RNF146: variants seen among roughly 807,000 people sequenced by gnomAD.
RNF146 encodes E3 ubiquitin-protein ligase RNF146.
Under a neutral mutation model 29.7 loss-of-function variants are expected in RNF146, and 11 were observed. The observed-to-expected ratio is 0.37, with a 90% CI of 0.23 to 0.61. The LOEUF (loss-of-function observed/expected upper bound fraction) is 0.61, where lower values mean the gene tolerates loss of function less well. RNF146 is among the 20% of genes least tolerant of loss of function. The pLI is 0.66. For synonymous variants in RNF146, 150 were observed against 159.7 expected (o/e 0.94, Z 0.46); for missense variants, 342 against 438.9 (o/e 0.78, Z 1.97).
chr6:127,282,127 G>A (rs1778991593), intron 2 of RNF146, among the ~76,000 whole-genome samples: 1 of 151,786 alleles, frequency 6.6e-6, no homozygotes, highest in Non-Finnish European at 1.5e-5. Flanking sequence ...CCACACAAAA[G>A]TGAATTGTAT....
In RNF146 at chr6:127,280,304, T is replaced by C; in HGVS notation, c.-35T>C. On this transcript the variant is annotated 5_prime_UTR_variant, in exon 2 of 3. Coordinates refer to ENST00000368314, the MANE Select transcript of RNF146 (RefSeq NM_001242850.2). Reference sequence around the variant, plus strand: ...ACTGCTGGTGAAGAAAATGCTTTATTTTTGTGGCAGGCATCTGTGGGATCT... The same window carrying C: ...ACTGCTGGTGAAGAAAATGCTTTATCTTTGTGGCAGGCATCTGTGGGATCT... The C allele has an allele frequency of 1.3e-6, 2 of 1,546,932 alleles. No individual in the cohort carries two copies. Among genetic ancestry groups the C allele is most frequent in the South Asian group, 1.2e-5 (1 of 83,888 alleles).
chr6:127,270,645 A>G (rs1440396850), intron 1 of RNF146, among the ~76,000 whole-genome samples: 2 of 152,152 alleles, frequency 1.3e-5, no homozygotes, highest in African/African-American at 2.4e-5. Flanking sequence ...ATAGTTGACC[A>G]TTGAACAAAG....
At chr6:127,271,090 A>G (rs1029085048) in intron 1 of RNF146, among the ~76,000 whole-genome samples, 1 of 152,230 alleles carries the variant, frequency 6.6e-6, no homozygotes, top group African/African-American at 2.4e-5. Flanking sequence ...CTAAGATTAC[A>G]GGCGTGAGCC....
Position 127,280,381 on chromosome 6 carries a change from T to C in RNF146, c.2+41T>C, listed in dbSNP as rs531877879. 55 of 1,542,968 alleles carry C rather than the reference T, an allele frequency of 3.6e-5. 1 individual carries two copies. In the African/African-American group the frequency reaches 5.1e-4, roughly 14 times the overall value. ...TGGTTTTTTTCAGTGCTGCAGTAAA[T>C]TAAATGGATTGGTTTAACGTGTGGT... is the stretch of plus-strand genomic sequence containing the variant. On this transcript the variant is annotated intron_variant, in intron 2 of 2. Coordinates refer to ENST00000368314, the MANE Select transcript of RNF146 (RefSeq NM_001242850.2).
chr6:127,284,749 C>T (rs1779303469), intron 2 of RNF146, among the ~76,000 whole-genome samples: 1 of 151,894 alleles, frequency 6.6e-6, no homozygotes, highest in Non-Finnish European at 1.5e-5. Flanking sequence ...TAGTGCTTAA[C>T]ATACTAAGAC....
At position 127,286,529 on chromosome 6, in the gene RNF146, A is replaced by G; in HGVS notation, c.3-87A>G. On this transcript the variant is annotated intron_variant, in intron 2 of 2. Transcript: ENST00000368314. This position sits in a 1 kb window ranked among gnomAD's most constrained non-coding sequence, Gnocchi z 4.6. Reference sequence around the variant, plus strand: ...ATGTGGCTTGCATATAATGCACATCATAGGTGGTTAGTGTTTTCATAATTG... The same window carrying G: ...ATGTGGCTTGCATATAATGCACATCGTAGGTGGTTAGTGTTTTCATAATTG... 3.4e-6 allele frequency: 4 copies of G among 1,182,056 alleles called. No individual in the cohort carries two copies. The highest frequency in any genetic ancestry group is 2.2e-4 in the Middle Eastern group (1 of 4,488). 73.2% of individuals were successfully genotyped at this position (1,182,056 alleles called of 1,614,324 possible).
chr6:127,287,579 A>C lies in RNF146; in HGVS notation c.966A>C (p.Val322=), dbSNP rs756809979. 3.7e-6 allele frequency: 6 copies of C among 1,612,698 alleles called. No individual in the cohort carries two copies. The highest frequency in any genetic ancestry group is 5.1e-6 in the Non-Finnish European group (6 of 1,179,106). The change falls in exon 3 of 3, where the codon GTA becomes GTC. Residue 322 remains valine, a synonymous_variant. Coordinates refer to ENST00000368314, the MANE Select transcript of RNF146 (RefSeq NM_001242850.2). The part of the protein sequence containing the change: ...RLLVSNANQT[V]PDRSDRSGTD... ...TGGTTTCTAATGCAAACCAGACAGT[A>C]CCCGATCGATCAGATCGATCGGGAA...
intron 1 of RNF146, among the ~76,000 whole-genome samples, chr6:127,269,020 A>G (rs996838474): frequency 1.3e-5 from 2 of 152,168 alleles, no homozygotes; most frequent in Non-Finnish European, 1.5e-5. Flanking sequence ...TCGAATGCGT[A>G]TTTTTCTCCC....
intron 2 of RNF146, chr6:127,285,325 A>G (rs1779369553): frequency 1.0e-6 from 1 of 984,920 alleles, no homozygotes; most frequent in Non-Finnish European, 1.2e-6. Flanking sequence ...GCCTAGGATT[A>G]TTGTTTTTCA....
At position 127,281,744 on chromosome 6, in the gene RNF146, ACAAT is replaced by A. The variant is rs1196407364; in HGVS notation, c.2+1410_2+1413del. ...ACCAGATTTTACATTTATTTAACAT[ACAAT>A]CAATCTTAATTGATTTTGATACTTA... On this transcript the variant is annotated intron_variant, in intron 2 of 2. Transcript: ENST00000368314. Among the ~76,000 whole-genome samples the A allele has an allele frequency of 2.6e-5, 4 of 151,778 alleles. No individual in the cohort carries two copies. The East Asian group carries it at 5.8e-4, about 22-fold the overall frequency.
Position 127,281,164 on chromosome 6 carries a change from A to T in RNF146, c.2+824A>T, listed in dbSNP as rs1778865632. Among the ~76,000 whole-genome samples the T allele has an allele frequency of 2.0e-5, 3 of 151,684 alleles. No individual in the cohort carries two copies. The South Asian group carries it at 6.2e-4, about 31-fold the overall frequency. ...GTTACATGTAATGATATGTATTAAC[A>T]ATAATTAATTTATTATTAAAAGTAT... On this transcript the variant is annotated intron_variant, in intron 2 of 2. Coordinates refer to ENST00000368314, the MANE Select transcript of RNF146 (RefSeq NM_001242850.2).
At chr6:127,270,687 C>CTT (rs796206372) in intron 1 of RNF146, among the ~76,000 whole-genome samples, 9 of 151,632 alleles carry the variant, frequency 5.9e-5, no homozygotes, top group African/African-American at 2.2e-4. Context: ...TTATACAATA[C>CTT]TTTTTTTTTC....
chr6:127,280,871 T>C (rs1458854075), intron 2 of RNF146: 2 of 151,946 alleles, frequency 1.3e-5, no homozygotes, highest in African/African-American at 4.8e-5. Flanking sequence ...TGATATGCTT[T>C]AAAGTGTTAC....
chr6:127,287,174 T>C lies in RNF146; in HGVS notation c.561T>C (p.Ala187=), dbSNP rs768225194. The C allele has an allele frequency of 1.9e-6, 3 of 1,613,330 alleles. No homozygotes were observed. The Admixed American group carries it at 5.0e-5, about 27-fold the overall frequency. The change falls in exon 3 of 3, where the codon GCT becomes GCC. Residue 187 remains alanine, a synonymous_variant. Coordinates refer to ENST00000368314, the MANE Select transcript of RNF146 (RefSeq NM_001242850.2). ...CTGGACTTAGGCTAGACTGTGATGC[T>C]AATACCGTAAACCTAGCAAGAGAGA... The part of the protein sequence containing the change: ...GVAGLRLDCD[A]NTVNLARESS...
intron 2 of RNF146, 86 bp downstream of exon 2, chr6:127,280,426 T>C: frequency 6.8e-7 from 1 of 1,461,092 alleles, no homozygotes; most frequent in East Asian, 2.5e-5. Context: ...ATCTGTCATA[T>C]GTAGTTTTAA....
intron 2 of RNF146, among the ~76,000 whole-genome samples, chr6:127,282,767 A>T (rs1205472195): frequency 6.6e-6 from 1 of 151,688 alleles, no homozygotes; most frequent in Non-Finnish European, 1.5e-5. Flanking sequence ...ACTGGCTGTT[A>T]TTTCCTGACG....
intron 1 of RNF146, among the ~76,000 whole-genome samples, chr6:127,268,413 A>G (rs1263389905): frequency 6.6e-6 from 1 of 152,220 alleles, no homozygotes; most frequent in Admixed American, 6.5e-5. Flanking sequence ...TTGCTGTTTT[A>G]TGATTAGCAA....
Position 127,286,266 on chromosome 6 carries a change from G to C in RNF146, c.3-350G>C, listed in dbSNP as rs1416671417. 1 of 1,010,618 alleles carries C rather than the reference G, an allele frequency of 9.9e-7. No homozygotes were observed. Among genetic ancestry groups the C allele is most frequent in the Non-Finnish European group, 1.3e-6 (1 of 785,394 alleles). 62.6% of individuals were successfully genotyped at this position (1,010,618 alleles called of 1,614,324 possible). On this transcript the variant is annotated intron_variant, in intron 2 of 2. Coordinates refer to ENST00000368314, the MANE Select transcript of RNF146 (RefSeq NM_001242850.2). This position sits in a 1 kb window ranked among gnomAD's most constrained non-coding sequence, Gnocchi z 4.6. ...TAAAACTCAGATTTTTAGATTTCTT[G>C]TCTAGCATTCATTTCACTGTATAAT...
At chr6:127,285,097 A>G in intron 2 of RNF146, 1 of 546,268 alleles carries the variant, frequency 1.8e-6, no homozygotes, top group Non-Finnish European at 2.3e-6. Context: ...GTTGAAAATA[A>G]TTTGGAAATT....
Sources: allele counts gnomAD v4.1 joint callset (sites outside exome capture counted in the v4.1 genomes callset), GRCh38; gene constraint gnomAD v4.1.1; non-coding constraint Gnocchi (gnomAD v3.1); transcripts MANE v1.5; gene names NCBI Gene and HGNC (gene_info 2026-07-23, HGNC 2026-07-21).